ASAH1: variants seen among roughly 807,000 people sequenced by gnomAD.
ASAH1 encodes the protein acid ceramidase.
In ASAH1, 70 loss-of-function variants were observed where a neutral mutation model predicts 59.5. The observed-to-expected ratio is 1.18, with a 90% confidence interval of 0.97 to 1.43. The LOEUF (loss-of-function observed/expected upper bound fraction) is 1.43. ASAH1 is among the 40% of genes most tolerant of loss of function. The pLI is 0.00. For missense variants in ASAH1, 660 were observed against 482.5 expected, an observed-to-expected ratio of 1.37 and a Z score of -3.45; for synonymous variants, 213 against 166.5, an observed-to-expected ratio of 1.28 and a Z score of -2.15.
intron 9 of ASAH1, 87 bp from the exon 10 acceptor site, chr8:18,061,545 C>A: frequency 6.9e-7 from 1 of 1,438,996 alleles, no homozygotes; most frequent in Admixed American, 1.7e-5. Flanking sequence ...ACTATATAAC[C>A]AGTCAGGAAC....
chr8:18,057,434 G>C lies in ASAH1; in HGVS notation c.*100C>G, dbSNP rs1010809246. On this transcript the variant is annotated 3_prime_UTR_variant, in exon 14 of 14. Transcript: ENST00000637790. ...TATTGACTCAAAGAGAACCTGCCGC[G>C]AGTCTTAGTCTTTGGAAGGTCAGAC... The C allele has an allele frequency of 1.1e-6, 1 of 873,306 alleles. No homozygotes were observed. The highest frequency in any genetic ancestry group is 1.8e-6 in the Non-Finnish European group (1 of 542,102). 54.1% of individuals were successfully genotyped at this position (873,306 alleles called of 1,614,324 possible). A position where few individuals can be genotyped will look rare whatever the true frequency, so the allele number is the denominator to read the frequency against.
chr8:18,059,720 A>T lies in ASAH1; in HGVS notation c.786-17T>A. 1 of 1,589,686 alleles carries T rather than the reference A, an allele frequency of 6.3e-7. No individual in the cohort carries two copies. The highest frequency in any genetic ancestry group is 8.5e-7 in the Non-Finnish European group (1 of 1,170,134). On this transcript the variant is annotated splice_polypyrimidine_tract_variant and intron_variant, in intron 10 of 13. Transcript: ENST00000637790. ...TCTTCATAACTATATAGAAACATTT[A>T]AAAAGAAAAATGAAACTTTTTTTTA...
chr8:18,084,553 G>T (rs923373162), upstream of ASAH1: 1 of 1,507,152 alleles, frequency 6.6e-7, no homozygotes, highest in Admixed American at 2.0e-5. Context: ...TCTGAGAAAA[G>T]CGGCCCGAAA....
At chr8:18,067,118 CTAAGACATACAGCACCTGTG>C in intron 5 of ASAH1, 82 bp downstream of exon 5, 2 of 535,188 alleles carry the variant, frequency 3.7e-6, no homozygotes, top group Non-Finnish European at 5.1e-6. Flanking sequence ...TGCTGTATAT[CTAAGACATACAGCACCTGTG>C]CTGTATGTAT....
rs1799746146 is a variant in ASAH1 at position 18,062,430 on chromosome 8, A to C, written c.504-7T>G. 1 of 1,614,024 alleles carries C rather than the reference A, an allele frequency of 6.2e-7. No homozygotes were observed. The highest frequency in any genetic ancestry group is 1.6e-4 in the Middle Eastern group (1 of 6,062). ...ATCATTATTTATGTTCCACCTATAA[A>C]AGACATGTTTCAGTGACATTTCAGA... On this transcript the variant is annotated splice_polypyrimidine_tract_variant and splice_region_variant and intron_variant, in intron 7 of 13. Transcript: ENST00000637790.
At chr8:18,069,549 A>G in intron 4 of ASAH1, 1 of 427,992 alleles carries the variant, frequency 2.3e-6, no homozygotes, top group Non-Finnish European at 4.3e-6. Context: ...CAGATGAAAT[A>G]TGGTTATTTG....
At chr8:18,080,788 C>T (rs1376005383) in intron 1 of ASAH1, among the ~76,000 whole-genome samples, 1 of 152,186 alleles carries the variant, frequency 6.6e-6, no homozygotes, top group African/African-American at 2.4e-5. Context: ...AAACTCCTGA[C>T]CTCACGTGAT....
At chr8:18,078,599 G>T (rs948301271) in intron 1 of ASAH1, among the ~76,000 whole-genome samples, 1 of 152,036 alleles carries the variant, frequency 6.6e-6, no homozygotes, top group Non-Finnish European at 1.5e-5. Context: ...ATTCTACAGG[G>T]AGACACAGCT....
intron 1 of ASAH1, among the ~76,000 whole-genome samples, chr8:18,078,544 G>T (rs1216119146): frequency 1.3e-5 from 2 of 152,148 alleles, no homozygotes; most frequent in Non-Finnish European, 2.9e-5. Context: ...GTTAGTTTTA[G>T]GGGTAGGGTG....
Position 18,056,457 on chromosome 8 carries a change from T to C in ASAH1, c.*1077A>G, listed in dbSNP as rs919739656. 9.9e-5 allele frequency: 15 copies of C among 152,166 alleles called. No individual in the cohort carries two copies. Among genetic ancestry groups the C allele is most frequent in the African/African-American group, 3.1e-4 (13 of 41,424 alleles). The allele number at this position is 152,166 out of a possible 1,614,324, so 9.4% of individuals were successfully genotyped here. On this transcript the variant is annotated 3_prime_UTR_variant, in exon 14 of 14. Coordinates refer to ENST00000637790, the MANE Select transcript of ASAH1 (RefSeq NM_177924.5). ...TGCATGACTGCTGACTGGCACTCTTTCCAGTGACTGTTTATTGAGTGTCAG... is the reference window on the plus strand; with the variant it reads ...TGCATGACTGCTGACTGGCACTCTTCCCAGTGACTGTTTATTGAGTGTCAG...
At chr8:18,081,452 C>G (rs1255250155) in intron 1 of ASAH1, among the ~76,000 whole-genome samples, 2 of 152,186 alleles carry the variant, frequency 1.3e-5, no homozygotes, top group Admixed American at 1.3e-4. Context: ...TTGGCTGGTT[C>G]CAGATCCTCC....
At chr8:18,058,786 G>T in intron 13 of ASAH1, 49 bp downstream of exon 13, 4 of 1,491,654 alleles carry the variant, frequency 2.7e-6, no homozygotes, top group Non-Finnish European at 2.8e-6. Flanking sequence ...AAAACATAGG[G>T]CCAAATTCTT....
chr8:18,067,642 C>T (rs12155668), intron 4 of ASAH1: 66,488 of 157,942 alleles, frequency 0.42, 14,996 homozygotes, highest in Admixed American at 0.52. Flanking sequence ...ACCACAAAAA[C>T]ATCATAACAA....
upstream of ASAH1, chr8:18,084,463 C>A (rs1204627852): frequency 4.5e-6 from 6 of 1,321,474 alleles, no homozygotes; most frequent in East Asian, 1.6e-4. Context: ...CCCGCGTACC[C>A]AGGCGTCCTC....
intron 1 of ASAH1, 171 bp downstream of exon 1, chr8:18,083,810 G>C: frequency 7.3e-7 from 1 of 1,375,238 alleles, no homozygotes; most frequent in East Asian, 2.5e-5. Flanking sequence ...CGAGGACGGG[G>C]TTCGCCAGCC....
Position 18,063,390 on chromosome 8 carries a change from G to T in ASAH1, c.458-160C>A, listed in dbSNP as rs569726387. The T allele has an allele frequency of 8.0e-5, 55 of 686,438 alleles. No individual in the cohort carries two copies. The South Asian group carries it at 8.5e-4, about 11-fold the overall frequency. 42.5% of individuals were successfully genotyped at this position (686,438 alleles called of 1,614,324 possible). A position where few individuals can be genotyped will look rare whatever the true frequency, so the allele number is the denominator to read the frequency against. Reference sequence around the variant, plus strand: ...GCGATCTCAGCTCACTGCGACCTCTGCCTCCCAGGTTCAAGCAATTCTTGT... The same window carrying T: ...GCGATCTCAGCTCACTGCGACCTCTTCCTCCCAGGTTCAAGCAATTCTTGT... On this transcript the variant is annotated intron_variant, in intron 6 of 13. Transcript: ENST00000637790.
At chr8:18,077,661 T>C (rs1217156851) in intron 1 of ASAH1, among the ~76,000 whole-genome samples, 1 of 152,252 alleles carries the variant, frequency 6.6e-6, no homozygotes, top group African/African-American at 2.4e-5. Flanking sequence ...CTCAATGACA[T>C]GTAAAATAAT....
At chr8:18,082,619 A>C (rs987740284) in intron 1 of ASAH1, 2 of 152,214 alleles carry the variant, frequency 1.3e-5, no homozygotes, top group African/African-American at 4.8e-5. Flanking sequence ...ACCTTCTAAC[A>C]GCATTCTATC....
rs766046022 is a variant in ASAH1, at chr8:18,059,409, T to G, written c.973A>C (p.Lys325Gln). The change falls in exon 12 of 14, where the codon AAA (lysine) becomes CAA (glutamine). Residue 325 changes from lysine to glutamine, a missense_variant. Coordinates refer to ENST00000637790, the MANE Select transcript of ASAH1 (RefSeq NM_177924.5). ...YVVQTNYDRW[K>Q]HPFFLDDRRT... ...CGATCATCAAGGAAGAAGGGATGTT[T>G]CCAACGGTCATAATTTGTTTGTACC... The G allele has an allele frequency of 1.9e-6, 3 of 1,614,200 alleles. No individual in the cohort carries two copies. Among genetic ancestry groups the G allele is most frequent in the Non-Finnish European group, 2.5e-6 (3 of 1,180,036 alleles).
Sources: allele counts gnomAD v4.1 joint callset (sites outside exome capture counted in the v4.1 genomes callset), GRCh38; gene constraint gnomAD v4.1.1; transcripts MANE v1.5; gene names NCBI Gene and HGNC (gene_info 2026-07-23, HGNC 2026-07-21).